MGAM: variants seen among roughly 807,000 people sequenced by gnomAD.
The protein encoded by MGAM is alpha-1,4-glucosidase.
A neutral mutation model predicts 358.8 loss-of-function variants in MGAM; 253 were observed. That is an observed-to-expected ratio of 0.71 (90% CI 0.64 to 0.78). The LOEUF is 0.78. Ranked by LOEUF, MGAM falls within the 30% of genes least tolerant of loss-of-function variation. The pLI is 0.00. For synonymous variants in MGAM, 1,105 were observed against 1,227.1 expected (o/e 0.90, Z 2.08); for missense variants, 3,080 against 3,432.6 (o/e 0.90, Z 2.57).
rs1201339149 is a variant in MGAM, at chr7:142,058,244, G to A, written c.3735G>A (p.Gly1245=). ...RPVMVPYWSL[G]FQLCRYGYQN... The stretch of plus-strand genomic sequence containing the variant: ...TGATGGTACCTTACTGGTCTTTGGG[G>A]TTCCAGCTGTGTCGCTATGGCTACC... Residue 1245 remains glycine, a synonymous_variant, in exon 31 of 71, where the codon GGG becomes GGA. Coordinates refer to ENST00000475668, the MANE Select transcript of MGAM (RefSeq NM_001365693.1). 6 of 1,613,768 alleles carry A rather than the reference G, an allele frequency of 3.7e-6. No individual in the cohort carries two copies. In the African/African-American group the frequency reaches 6.7e-5, roughly 18 times the overall value.
At chr7:142,033,030 T>C in intron 14 of MGAM, 121 bp downstream of exon 14, 1 of 567,954 alleles carries the variant, frequency 1.8e-6, no homozygotes, top group Non-Finnish European at 3.0e-6. Context: ...GAAAAAGAAA[T>C]ATGTGGGTAA....
intron 1 of MGAM, among the ~76,000 whole-genome samples, chr7:142,000,972 T>C (rs1804687944): frequency 6.6e-6 from 1 of 152,220 alleles, no homozygotes; most frequent in African/African-American, 2.4e-5. Context: ...TATTAGCATC[T>C]ACCAAAGAGG....
rs201221721 is a variant in MGAM at position 142,054,895 on chromosome 7, A to T, written c.3301A>T (p.Thr1101Ser). 1 of 1,613,844 alleles carries T rather than the reference A, an allele frequency of 6.2e-7. No homozygotes were observed. The highest frequency in any genetic ancestry group is 8.5e-7 in the Non-Finnish European group (1 of 1,179,784). The change falls in exon 27 of 71, where the codon ACA (threonine) becomes TCA (serine). Residue 1101 changes from threonine (T) to serine (S), a missense_variant. Coordinates refer to ENST00000475668, the MANE Select transcript of MGAM (RefSeq NM_001365693.1). ...TGGGATTGAAATTCGCCGGAAGAGT[A>T]CAGGCACTATAATGTGAGTGGCTTC... ...PFGIEIRRKS[T>S]GTIIWDSQLL...
intron 10 of MGAM, among the ~76,000 whole-genome samples, chr7:142,028,890 G>A (rs868955311): frequency 2.0e-5 from 3 of 152,022 alleles, no homozygotes; most frequent in Non-Finnish European, 2.9e-5. Flanking sequence ...TTATGCATGT[G>A]GGGGTGGGTT....
chr7:142,052,219 C>CT, intron 24 of MGAM, 75 bp from the exon 25 acceptor site: 1 of 1,241,972 alleles, frequency 8.1e-7, no homozygotes, highest in South Asian at 1.7e-5. Flanking sequence ...TTTTTTTTAT[C>CT]GAAAAAAAAA....
chr7:142,074,826 A>G (rs1166940180), intron 45 of MGAM, among the ~76,000 whole-genome samples: 1 of 146,528 alleles, frequency 6.8e-6, no homozygotes. Flanking sequence ...TGGCAAATAA[A>G]GATTGAATAT....
intron 55 of MGAM, 77 bp from the exon 56 acceptor site, chr7:142,086,141 G>A (rs1814731221): frequency 7.0e-7 from 1 of 1,430,560 alleles, no homozygotes; most frequent in Non-Finnish European, 9.6e-7. Context: ...GTTCGCCCTG[G>A]AGGAGTTCTC....
chr7:142,045,124 A>G (rs1195890560), intron 21 of MGAM, among the ~76,000 whole-genome samples: 1 of 97,436 alleles, frequency 1.0e-5, no homozygotes, highest in Non-Finnish European at 2.0e-5. Flanking sequence ...AATATATGAT[A>G]TATAATATGT....
chr7:141,987,163 T>C (rs968729545), intron 2 of MGAM, among the ~76,000 whole-genome samples: 5 of 152,150 alleles, frequency 3.3e-5, no homozygotes, highest in African/African-American at 7.2e-5. Context: ...GTGGTGGTAG[T>C]CATAGGCATA....
chr7:142,016,061 A>G (rs1163197651), intron 3 of MGAM, among the ~76,000 whole-genome samples: 1 of 152,118 alleles, frequency 6.6e-6, no homozygotes, highest in African/African-American at 2.4e-5. Context: ...AGGCTTTTGC[A>G]TTTATGTTCA....
At chr7:142,103,814 A>G (rs532529630) in intron 70 of MGAM, among the ~76,000 whole-genome samples, 3 of 152,302 alleles carry the variant, frequency 2.0e-5, no homozygotes, top group Middle Eastern at 3.4e-3. Flanking sequence ...CAAAGAAAGA[A>G]AAAAGGATGA....
chr7:142,030,387 A>G lies in MGAM; in HGVS notation c.1247A>G (p.Tyr416Cys), dbSNP rs1554462854. 2 of 1,613,360 alleles carry G rather than the reference A, an allele frequency of 1.2e-6. No homozygotes were observed. The highest frequency in any genetic ancestry group is 1.7e-6 in the Non-Finnish European group (2 of 1,179,604). Residue 416 changes from tyrosine (Y) to cysteine (C), a missense_variant, in exon 11 of 71, where the codon TAT becomes TGT. Tyr to Cys is a radical substitution (Grantham distance 194). Around this residue, in one of 5 missense-constraint regions of MGAM, gnomAD observed 1,816 missense variants for 1,840.5 expected, o/e 0.99. Coordinates refer to ENST00000475668, the MANE Select transcript of MGAM (RefSeq NM_001365693.1). ...PYDVQHADID[Y>C]MDERRDFTYD... ...GATGTTCAGCATGCTGATATTGATTATATGGATGAGAGAAGGGACTTCACT... is the reference window on the plus strand; with the variant it reads ...GATGTTCAGCATGCTGATATTGATTGTATGGATGAGAGAAGGGACTTCACT...
rs1010215977 is a variant in MGAM at position 142,089,198 on chromosome 7, A to C, written c.6810+2481A>C. 2.7e-5 allele frequency among the ~76,000 whole-genome samples: 4 copies of C among 145,862 alleles called. 1 individual carries two copies. The highest frequency in any genetic ancestry group is 1.4e-4 in the Admixed American group (2 of 14,416). On this transcript the variant is annotated intron_variant, in intron 57 of 70. Coordinates refer to ENST00000475668, the MANE Select transcript of MGAM (RefSeq NM_001365693.1). ...TGACTTTTATCAAGTAGTCAGTATC[A>C]GAACCCCACAGTTCATCAGCCAGTA...
intron 68 of MGAM, 91 bp from the exon 69 acceptor site, chr7:142,102,539 A>G (rs1226929626): frequency 8.3e-7 from 1 of 1,204,582 alleles, no homozygotes; most frequent in Non-Finnish European, 1.2e-6. Flanking sequence ...AAACAAGACA[A>G]GTAGGCAATT....
In MGAM at chr7:142,080,485, A is replaced by G. The variant is rs1449276440; in HGVS notation, c.5848-306A>G. On this transcript the variant is annotated intron_variant, in intron 49 of 70. Transcript: ENST00000475668. ...TTAAGGTATTTATATATTCTCATAT[A>G]CCCACAGAAAATAACAAGTAACATA... Among the ~76,000 whole-genome samples the G allele has an allele frequency of 1.4e-5, 2 of 146,354 alleles. 1 individual carries two copies. Among genetic ancestry groups the G allele is most frequent in the African/African-American group, 4.9e-5 (2 of 41,132 alleles).
At position 142,032,723 on chromosome 7, in the gene MGAM, T is replaced by C. The variant is rs190274240; in HGVS notation, c.1585-102T>C. On this transcript the variant is annotated intron_variant, in intron 13 of 70. Transcript: ENST00000475668. ...CATTTATACAAATACCCCTTTAAAA[T>C]ATCTGGAATAATTTATCTGATTAAT... The C allele has an allele frequency of 1.4e-3, 948 of 698,022 alleles. 9 individuals carry two copies. In the African/African-American group the frequency reaches 0.015, roughly 11 times the overall value. 43.2% of individuals were successfully genotyped at this position (698,022 alleles called of 1,614,324 possible).
chr7:142,045,531 A>T (rs1431476625), intron 21 of MGAM, among the ~76,000 whole-genome samples: 1 of 84,734 alleles, frequency 1.2e-5, no homozygotes, highest in Admixed American at 1.8e-4. Flanking sequence ...TATATGATAT[A>T]ATATATATTA....
At chr7:142,030,326 C>T in intron 10 of MGAM, 36 bp from the exon 11 acceptor site, 2 of 1,601,696 alleles carry the variant, frequency 1.2e-6, no homozygotes, top group Non-Finnish European at 8.5e-7. Flanking sequence ...ATGGAAATTC[C>T]TAGGTGCTAA....
At chr7:142,066,788 A>G in intron 41 of MGAM, 67 bp downstream of exon 41, 1 of 1,484,590 alleles carries the variant, frequency 6.7e-7, no homozygotes, top group Non-Finnish European at 9.2e-7. Context: ...GTAGCAGTTG[A>G]TATACACAAC....
Sources: gnomAD v4.1 joint callset for allele counts (sites outside exome capture counted in the v4.1 genomes callset) on GRCh38, gnomAD v4.1.1 for gene constraint, gnomAD v4.1.1 regional missense constraint, MANE v1.5 for transcripts, NCBI Gene and HGNC (gene_info 2026-07-23, HGNC 2026-07-21) for gene names.